The following SLC25A16 variants were observed in gnomAD, a reference collection of about 807,000 sequenced individuals.
SLC25A16 encodes the protein solute carrier family 25 member 16, also known as mitochondrial coenzyme A transporter SLC25A16.
Under a neutral mutation model 41.5 loss-of-function variants are expected in SLC25A16, and 39 were observed. The ratio of observed to expected loss-of-function variants is 0.94; its 90% CI spans 0.73 to 1.23. The LOEUF (loss-of-function observed/expected upper bound fraction) is 1.23. Ranked by LOEUF, SLC25A16 falls within the 50% of genes most tolerant of loss-of-function variation. The pLI is 0.00. For missense variants in SLC25A16, 421 were observed against 426.9 expected (o/e 0.99, Z 0.12); for synonymous variants, 146 against 147.8 (o/e 0.99, Z 0.09).
intron 2 of SLC25A16, among the ~76,000 whole-genome samples, chr10:68,515,147 G>A (rs1238893046): frequency 6.0e-5 from 9 of 149,792 alleles, no homozygotes; most frequent in East Asian, 2.0e-4. Context: ...ACCTGAGGTC[G>A]GGAGTTCGAG....
At chr10:68,512,737 T>C (rs1249432048) in intron 2 of SLC25A16, among the ~76,000 whole-genome samples, 1 of 149,944 alleles carries the variant, frequency 6.7e-6, no homozygotes, top group Non-Finnish European at 1.5e-5. Context: ...ACTTCCTCAC[T>C]ATTAAAAATG....
chr10:68,515,801 AAAAT>A (rs56896620), intron 2 of SLC25A16, among the ~76,000 whole-genome samples: 26,861 of 151,572 alleles, frequency 0.18, 2,600 homozygotes, highest in African/African-American at 0.25. Context: ...TCTGCCTCAA[AAAAT>A]AAATAAATAA....
chr10:68,501,507 G>A (rs1271204696), intron 4 of SLC25A16, among the ~76,000 whole-genome samples: 1 of 148,826 alleles, frequency 6.7e-6, no homozygotes, highest in African/African-American at 2.5e-5. Flanking sequence ...AAAAAAAAAA[G>A]GAAAGTGAGA....
chr10:68,524,037 C>T (rs991445641), intron 1 of SLC25A16, among the ~76,000 whole-genome samples: 11 of 130,082 alleles, frequency 8.5e-5, no homozygotes, highest in African/African-American at 3.3e-4. Flanking sequence ...AGATCAAGAC[C>T]AGGTGGCTCA....
At chr10:68,526,802 T>C (rs981122262) in intron 1 of SLC25A16, among the ~76,000 whole-genome samples, 2 of 152,232 alleles carry the variant, frequency 1.3e-5, no homozygotes, top group Non-Finnish European at 2.9e-5. Flanking sequence ...GTAGACAGTT[T>C]GCACAATTTT....
chr10:68,484,622 A>T lies in SLC25A16; in HGVS notation c.843-1034T>A, dbSNP rs2052529895. Among the ~76,000 whole-genome samples, 3 of 151,736 alleles carry T rather than the reference A, an allele frequency of 2.0e-5. No homozygotes were observed. In the South Asian group the frequency reaches 6.2e-4, roughly 32 times the overall value. ...TTTGTTTGTTTGTTTTTAGTTAAAA[A>T]AAATTTTTTTAGAGCCAAGGTCTTA... On this transcript the variant is annotated intron_variant, in intron 8 of 8. Transcript: ENST00000609923.
In SLC25A16 at chr10:68,527,292, G is replaced by T. The variant is rs1177290605; in HGVS notation, c.84C>A (p.Pro28=). ...GCCAGTAGAAGTCTCTGCGGGTTGT[G>T]GGCCCTCCGGCCCCTGCCGCCTGCG... ...AMPQAAGAGG[P]TTRRDFYWLR... is the part of the protein sequence containing the mutation. Residue 28 remains proline, a synonymous_variant, in exon 1 of 9, where the codon CCC becomes CCA. Coordinates refer to ENST00000609923, the MANE Select transcript of SLC25A16 (RefSeq NM_152707.4). 4 of 1,547,342 alleles carry T rather than the reference G, an allele frequency of 2.6e-6. No individual in the cohort carries two copies. The East Asian group carries it at 9.9e-5, about 38-fold the overall frequency.
At chr10:68,522,040 G>C (rs552940573) in intron 1 of SLC25A16, among the ~76,000 whole-genome samples, 25 of 151,926 alleles carry the variant, frequency 1.6e-4, no homozygotes, top group Non-Finnish European at 3.5e-4. Flanking sequence ...CACACCACCT[G>C]TAGTCCCAGC....
intron 6 of SLC25A16, 119 bp downstream of exon 6, chr10:68,493,013 A>C (rs1245147202): frequency 4.5e-6 from 3 of 668,468 alleles, no homozygotes; most frequent in Non-Finnish European, 7.9e-6. Context: ...TCCATAAATC[A>C]TTTCTTATTA....
At chr10:68,484,833 A>G (rs2052532826) in intron 8 of SLC25A16, among the ~76,000 whole-genome samples, 1 of 152,112 alleles carries the variant, frequency 6.6e-6, no homozygotes. Flanking sequence ...CATATCACCA[A>G]TCAAATGGAA....
rs945075465 is a variant in SLC25A16 at position 68,480,535 on chromosome 10, C to T, written c.*2897G>A. ...TTTTTGAGATGGAGTCTTGCTCTGT[C>T]GCCCAGGTTAGAATGCAGTGGCACG... On this transcript the variant is annotated 3_prime_UTR_variant, in exon 9 of 9. Coordinates refer to ENST00000609923, the MANE Select transcript of SLC25A16 (RefSeq NM_152707.4). 1.5e-5 allele frequency: 2 copies of T among 136,364 alleles called. No individual in the cohort carries two copies. The highest frequency in any genetic ancestry group is 2.1e-4 in the East Asian group (1 of 4,702). 8.4% of individuals were successfully genotyped at this position (136,364 alleles called of 1,614,324 possible).
At chr10:68,507,827 G>T (rs937331195) in intron 2 of SLC25A16, among the ~76,000 whole-genome samples, 1 of 152,224 alleles carries the variant, frequency 6.6e-6, no homozygotes, top group South Asian at 2.1e-4. Context: ...TCAAATTTTA[G>T]ACTGCAAATA....
intron 8 of SLC25A16, among the ~76,000 whole-genome samples, chr10:68,486,218 C>CAAA (rs1397261235): frequency 4.0e-5 from 2 of 49,906 alleles, no homozygotes; most frequent in African/African-American, 1.9e-4. Flanking sequence ...GACTTTGTCT[C>CAAA]AAAAAAACAA....
In SLC25A16 at chr10:68,488,493, A is replaced by C; in HGVS notation, c.747T>G (p.Val249=). Residue 249 remains valine (V), a synonymous_variant, in exon 7 of 9, where the codon GTT becomes GTG. Coordinates refer to ENST00000609923, the MANE Select transcript of SLC25A16 (RefSeq NM_152707.4). ...KTHVNLLCGG[V]AGAIAQTISY... is the part of the protein sequence containing the mutation. The stretch of plus-strand genomic sequence containing the variant: ...ATATTGTCTGCGCTATTGCTCCAGC[A>C]ACACCACCACAAAGTAAGTTTACAT... The C allele has an allele frequency of 1.3e-6, 2 of 1,560,714 alleles. No individual in the cohort carries two copies. The highest frequency in any genetic ancestry group is 1.2e-5 in the South Asian group (1 of 82,076).
intron 1 of SLC25A16, among the ~76,000 whole-genome samples, chr10:68,525,638 T>C (rs1370514886): frequency 6.6e-6 from 1 of 152,134 alleles, no homozygotes; most frequent in Non-Finnish European, 1.5e-5. Flanking sequence ...AATTTTTAAA[T>C]TTTTGAATCT....
chr10:68,492,808 T>C (rs192780314), intron 6 of SLC25A16, among the ~76,000 whole-genome samples: 1 of 152,032 alleles, frequency 6.6e-6, no homozygotes, highest in African/African-American at 2.4e-5. Flanking sequence ...TCATTATTTA[T>C]AATGAGACAA....
chr10:68,522,679 G>A (rs982250125), intron 1 of SLC25A16, among the ~76,000 whole-genome samples: 1 of 152,120 alleles, frequency 6.6e-6, no homozygotes, highest in Non-Finnish European at 1.5e-5. Context: ...GCCAGGTGTG[G>A]TGACACACGC....
intron 4 of SLC25A16, among the ~76,000 whole-genome samples, chr10:68,493,851 T>G (rs181751503): frequency 6.6e-6 from 1 of 151,966 alleles, no homozygotes; most frequent in Non-Finnish European, 1.5e-5. Flanking sequence ...GAGATTTTTT[T>G]AAAAAAAATT....
intron 4 of SLC25A16, among the ~76,000 whole-genome samples, chr10:68,494,787 G>T (rs866714500): frequency 1.1e-4 from 15 of 140,142 alleles, no homozygotes; most frequent in Non-Finnish European, 2.1e-4. Flanking sequence ...TGAGGCAAGA[G>T]AATCACTTGA....
Sources: gnomAD v4.1 joint callset for allele counts (sites outside exome capture counted in the v4.1 genomes callset) on GRCh38, gnomAD v4.1.1 for gene constraint, MANE v1.5 for transcripts, NCBI Gene and HGNC (gene_info 2026-07-23, HGNC 2026-07-21) for gene names.